The following KCNH7 variants were observed in gnomAD, a reference collection of about 807,000 sequenced individuals.
KCNH7 encodes potassium voltage-gated channel subfamily H member 7, also known as voltage-gated inwardly rectifying potassium channel KCNH7.
In KCNH7, 49 loss-of-function variants were observed where a neutral mutation model predicts 120.8. That is an observed-to-expected ratio of 0.41 (90% CI 0.32 to 0.51). KCNH7 has a LOEUF of 0.51. Ranked by LOEUF, KCNH7 falls within the 20% of genes least tolerant of loss-of-function variation. The pLI is 0.38. For missense variants in KCNH7, 1,097 were observed against 1,446.6 expected, an observed-to-expected ratio of 0.76 and a Z score of 3.92; for synonymous variants, 547 against 516.1, an observed-to-expected ratio of 1.06 and a Z score of -0.81.
intron 2 of KCNH7, among the ~76,000 whole-genome samples, chr2:162,679,376 T>C (rs142259247): frequency 1.3e-5 from 2 of 151,766 alleles, no homozygotes; most frequent in East Asian, 3.9e-4. Flanking sequence ...TAGAGTAGAG[T>C]GCATTGGTAG....
At chr2:162,475,747 C>T (rs1558966006) in intron 6 of KCNH7, among the ~76,000 whole-genome samples, 1 of 152,174 alleles carries the variant, frequency 6.6e-6, no homozygotes, top group Non-Finnish European at 1.5e-5. Context: ...CCCACCCACC[C>T]ACCAGCAGTG....
intron 3 of KCNH7, among the ~76,000 whole-genome samples, chr2:162,519,407 C>A (rs1186833935): frequency 1.3e-5 from 2 of 151,422 alleles, no homozygotes; most frequent in Non-Finnish European, 3.0e-5. Flanking sequence ...TAATTTTCAT[C>A]AAAAAAACAA....
chr2:162,451,115 C>A (rs892301564), intron 6 of KCNH7, among the ~76,000 whole-genome samples: 7 of 151,868 alleles, frequency 4.6e-5, no homozygotes, highest in African/African-American at 1.7e-4. Context: ...TTCTGATATG[C>A]CATTTAATCT....
intron 2 of KCNH7, among the ~76,000 whole-genome samples, chr2:162,818,230 A>G (rs1684984311): frequency 6.6e-6 from 1 of 152,016 alleles, no homozygotes; most frequent in Non-Finnish European, 1.5e-5. Context: ...TCAAAAATTT[A>G]TAATTTTAGC....
intron 2 of KCNH7, among the ~76,000 whole-genome samples, chr2:162,601,934 T>C (rs1380930161): frequency 1.3e-5 from 2 of 152,080 alleles, no homozygotes; most frequent in Non-Finnish European, 2.9e-5. Context: ...AAAAAGAAAT[T>C]ATTACAAAAT....
intron 2 of KCNH7, among the ~76,000 whole-genome samples, chr2:162,566,610 T>C (rs1008107425): frequency 6.6e-6 from 1 of 152,074 alleles, no homozygotes; most frequent in African/African-American, 2.4e-5. Context: ...CAGAAAACAC[T>C]TATTAAGTAC....
At chr2:162,733,942 C>T (rs1241312867) in intron 2 of KCNH7, among the ~76,000 whole-genome samples, 1 of 152,078 alleles carries the variant, frequency 6.6e-6, no homozygotes, top group Admixed American at 6.6e-5. Flanking sequence ...TCATACTTTA[C>T]CTCATTTAAA....
chr2:162,767,304 T>C (rs1192294530), intron 2 of KCNH7, among the ~76,000 whole-genome samples: 2 of 152,172 alleles, frequency 1.3e-5, no homozygotes, highest in African/African-American at 4.8e-5. Context: ...GTATATACAT[T>C]TGAAAATTTT....
At chr2:162,510,738 T>C (rs956079368) in intron 5 of KCNH7, among the ~76,000 whole-genome samples, 1 of 151,676 alleles carries the variant, frequency 6.6e-6, no homozygotes, top group African/African-American at 2.4e-5. Flanking sequence ...TTAGATCTGG[T>C]ATAGAAGCAA....
chr2:162,819,024 C>G (rs150736943), intron 2 of KCNH7, among the ~76,000 whole-genome samples: 117 of 152,160 alleles, frequency 7.7e-4, no homozygotes, highest in African/African-American at 2.7e-3. Context: ...AACAATGAAC[C>G]TGTACCCTTA....
intron 2 of KCNH7, among the ~76,000 whole-genome samples, chr2:162,726,164 A>C (rs1204172843): frequency 6.6e-6 from 1 of 151,914 alleles, no homozygotes; most frequent in East Asian, 1.9e-4. Context: ...CACTAAGCCT[A>C]CCTCTATTTT....
chr2:162,403,657 T>C (rs1687125820), intron 9 of KCNH7, among the ~76,000 whole-genome samples: 1 of 151,976 alleles, frequency 6.6e-6, no homozygotes, highest in African/African-American at 2.4e-5. Flanking sequence ...AATGTTGGCA[T>C]GAACTTGCCT....
At chr2:162,395,202 G>A (rs1382428861) in intron 11 of KCNH7, among the ~76,000 whole-genome samples, 1 of 151,740 alleles carries the variant, frequency 6.6e-6, no homozygotes, top group Non-Finnish European at 1.5e-5. Context: ...GTTATTTGCA[G>A]ATTTTCAACT....
Position 162,396,755 on chromosome 2 carries a change from C to T in KCNH7, c.2598G>A (p.Arg866=), listed in dbSNP as rs1473133525. The stretch of plus-strand genomic sequence containing the variant: ...TAACATATACCTTTGCGCTCTCATG[C>T]CTTAGGTTGAAAGTCAACTCTAGGT... The part of the protein sequence containing the change: ...LTNLELTFNL[R]HESAKADLLR... Residue 866 remains arginine (R), a synonymous_variant, in exon 11 of 16, where the codon AGG becomes AGA. Coordinates refer to ENST00000332142, the MANE Select transcript of KCNH7 (RefSeq NM_033272.4). The T allele has an allele frequency of 1.9e-6, 3 of 1,610,344 alleles. No individual in the cohort carries two copies. The highest frequency in any genetic ancestry group is 1.7e-5 in the Admixed American group (1 of 59,712).
At chr2:162,420,193 T>A (rs955617074) in intron 9 of KCNH7, among the ~76,000 whole-genome samples, 2 of 152,018 alleles carry the variant, frequency 1.3e-5, no homozygotes, top group African/African-American at 4.8e-5. Flanking sequence ...CTGGCCAACA[T>A]GGTGAAAGCC....
At chr2:162,413,214 C>T (rs1481083720) in intron 9 of KCNH7, among the ~76,000 whole-genome samples, 1 of 152,058 alleles carries the variant, frequency 6.6e-6, no homozygotes, top group Non-Finnish European at 1.5e-5. Flanking sequence ...CCTTAACCTC[C>T]ACCTCCTGGC....
intron 2 of KCNH7, among the ~76,000 whole-genome samples, chr2:162,712,302 T>C (rs1686956151): frequency 1.3e-5 from 2 of 152,266 alleles, no homozygotes; most frequent in Middle Eastern, 3.4e-3. Context: ...GCACACCTGT[T>C]GGTTCTCTTT....
intron 2 of KCNH7, among the ~76,000 whole-genome samples, chr2:162,825,812 C>G (rs1285361368): frequency 6.6e-6 from 1 of 152,006 alleles, no homozygotes; most frequent in African/African-American, 2.4e-5. Flanking sequence ...AAGCTACAAG[C>G]TGTGATACAT....
At chr2:162,573,333 A>T (rs1693559032) in intron 2 of KCNH7, among the ~76,000 whole-genome samples, 1 of 152,072 alleles carries the variant, frequency 6.6e-6, no homozygotes, top group Non-Finnish European at 1.5e-5. Context: ...GTGTCTAACC[A>T]CTCAAGGGCT....
Sources: gnomAD v4.1 joint callset for allele counts (sites outside exome capture counted in the v4.1 genomes callset) on GRCh38, gnomAD v4.1.1 for gene constraint, MANE v1.5 for transcripts, NCBI Gene and HGNC (gene_info 2026-07-23, HGNC 2026-07-21) for gene names.